NDUFAF6: variants seen among roughly 807,000 people sequenced by gnomAD.
NDUFAF6 encodes the protein NADH:ubiquinone oxidoreductase complex assembly factor 6.
Under a neutral mutation model 40.8 loss-of-function variants are expected in NDUFAF6, and 45 were observed. That is an observed-to-expected ratio of 1.10 (90% CI 0.87 to 1.42). The LOEUF (loss-of-function observed/expected upper bound fraction) is 1.42. Among genes scored for constraint, NDUFAF6 ranks in the 40% most tolerant of loss-of-function variants. NDUFAF6 has a pLI of 0.00. For synonymous variants in NDUFAF6, 185 were observed against 155.9 expected (o/e 1.19, Z -1.39); for missense variants, 435 against 418.5 (o/e 1.04, Z -0.34).
At chr8:94,922,479 ATTT>A (rs34170290) in intron 1 of NDUFAF6, among the ~76,000 whole-genome samples, 7 of 135,554 alleles carry the variant, frequency 5.2e-5, no homozygotes, top group Non-Finnish European at 4.8e-5. Flanking sequence ...AGAATCTGCA[ATTT>A]TTTTTTTTTT....
intron 1 of NDUFAF6, among the ~76,000 whole-genome samples, chr8:94,915,619 GT>G (rs745556858): frequency 5.3e-5 from 8 of 152,194 alleles, no homozygotes; most frequent in Admixed American, 1.3e-4. Context: ...TGGTAATTCT[GT>G]TTTTACTTCT....
intron 1 of NDUFAF6, among the ~76,000 whole-genome samples, chr8:94,932,273 C>A (rs1820485437): frequency 6.6e-6 from 1 of 152,186 alleles, no homozygotes; most frequent in African/African-American, 2.4e-5. Context: ...AAAAACAATA[C>A]TTATAAAGGC....
At chr8:95,109,905 A>G (rs1809949291) in intron 4 of NDUFAF6, among the ~76,000 whole-genome samples, 1 of 152,214 alleles carries the variant, frequency 6.6e-6, no homozygotes, top group Non-Finnish European at 1.5e-5. Context: ...ACTTACAAAA[A>G]AATTGTGAAG....
intron 2 of NDUFAF6, among the ~76,000 whole-genome samples, chr8:94,993,758 C>T (rs1304632794): frequency 6.6e-6 from 1 of 152,078 alleles, no homozygotes; most frequent in Non-Finnish European, 1.5e-5. Context: ...ATCCAGCCCA[C>T]AAAAATAATA....
Position 95,041,550 on chromosome 8 carries a change from T to C in NDUFAF6, c.421-20T>C, listed in dbSNP as rs761006829. ...ATTTCTAGTACTTTCTAAAAACTTA[T>C]AATGCTCTTTGTTTTTTAGGCTGTT... On this transcript the variant is annotated intron_variant, in intron 3 of 8. Coordinates refer to ENST00000396124, the MANE Select transcript of NDUFAF6 (RefSeq NM_152416.4). 16 of 1,480,128 alleles carry C rather than the reference T, an allele frequency of 1.1e-5. No individual in the cohort carries two copies. Among genetic ancestry groups the C allele is most frequent in the South Asian group, 3.5e-5 (3 of 86,308 alleles). The allele number at this position is 1,480,128 out of a possible 1,614,324, so 91.7% of individuals were successfully genotyped here. A position where few individuals can be genotyped will look rare whatever the true frequency, so the allele number is the denominator to read the frequency against.
upstream of NDUFAF6, among the ~76,000 whole-genome samples, chr8:94,956,359 A>C (rs192278737): frequency 6.6e-6 from 1 of 152,324 alleles, no homozygotes. Context: ...TGAAAGGGGC[A>C]AGCAAGCTCT....
chr8:94,928,476 A>C (rs953691327), intron 1 of NDUFAF6: 1 of 152,580 alleles, frequency 6.6e-6, no homozygotes, highest in Non-Finnish European at 1.5e-5. Context: ...CATGGAAACT[A>C]TCTTATCTCC....
At chr8:95,059,835 C>T (rs1011149400), downstream of NDUFAF6, among the ~76,000 whole-genome samples, 34 of 151,204 alleles carry the variant, frequency 2.2e-4, no homozygotes, top group Admixed American at 2.2e-3. Context: ...GGCAACAGAG[C>T]GAGATTCCAT....
chr8:94,953,608 T>C (rs1273630623), upstream of NDUFAF6, among the ~76,000 whole-genome samples: 1 of 152,252 alleles, frequency 6.6e-6, no homozygotes, highest in African/African-American at 2.4e-5. Context: ...CTGATACTTC[T>C]GGGCACTGCC....
chr8:94,916,872 TG>T (rs1819165841), intron 1 of NDUFAF6, among the ~76,000 whole-genome samples: 1 of 149,402 alleles, frequency 6.7e-6, no homozygotes, highest in Non-Finnish European at 1.5e-5. Context: ...CCCAGCACTT[TG>T]GGAGGCCTAG....
intron 2 of NDUFAF6, among the ~76,000 whole-genome samples, chr8:95,018,037 A>G (rs1013345567): frequency 8.5e-5 from 13 of 152,146 alleles, no homozygotes; most frequent in Non-Finnish European, 1.9e-4. Flanking sequence ...ATAATTTGAC[A>G]TGTTTGCTTC....
chr8:94,929,376 T>C (rs2131304230), intron 1 of NDUFAF6: 1 of 150,952 alleles, frequency 6.6e-6, no homozygotes, highest in East Asian at 1.9e-4. Context: ...AAATGAAAAG[T>C]CACTTGGACT....
chr8:95,115,375 A>T (rs1398082743), intron 4 of NDUFAF6, among the ~76,000 whole-genome samples: 2 of 152,212 alleles, frequency 1.3e-5, no homozygotes, highest in Non-Finnish European at 2.9e-5. Context: ...TCTGGAAGGC[A>T]TCCCTTGGCA....
downstream of NDUFAF6, among the ~76,000 whole-genome samples, chr8:95,061,292 T>G (rs1832566070): frequency 6.6e-6 from 1 of 152,206 alleles, no homozygotes; most frequent in Non-Finnish European, 1.5e-5. Flanking sequence ...TTTCAGCAAA[T>G]CCCTAGGTGC....
chr8:95,001,989 CT>C (rs1826756896), intron 2 of NDUFAF6, among the ~76,000 whole-genome samples: 1 of 152,194 alleles, frequency 6.6e-6, no homozygotes, highest in South Asian at 2.1e-4. Flanking sequence ...GGATTAGACA[CT>C]CAGAGGATCA....
At chr8:94,932,019 T>G in intron 1 of NDUFAF6, 1 of 1,553,520 alleles carries the variant, frequency 6.4e-7, no homozygotes, top group Non-Finnish European at 8.7e-7. Flanking sequence ...TTGGGTCCTT[T>G]GCCTCCCTAT....
At chr8:95,088,162 C>T (rs753578402) in intron 2 of NDUFAF6, among the ~76,000 whole-genome samples, 36 of 152,234 alleles carry the variant, frequency 2.4e-4, no homozygotes, top group Non-Finnish European at 2.5e-4. Context: ...CTGCAAACCT[C>T]ATGGCTATAA....
At chr8:95,048,344 G>T (rs1014902920) in intron 6 of NDUFAF6, 113 bp from the exon 7 acceptor site, 1 of 764,810 alleles carries the variant, frequency 1.3e-6, no homozygotes, top group Admixed American at 2.0e-5. Flanking sequence ...GTTCTGTCAC[G>T]TGTTCTCTTG....
At position 94,946,696 on chromosome 8, in the gene NDUFAF6, C is replaced by CAAAAAAAAAAAAAAAAAAAAAAAA. The variant is rs71273438; in HGVS notation, c.-799+1078_-799+1101dup. ...TGGTCAACAGAGTAAGACCCTGTCT[C>CAAAAAAAAAAAAAAAAAAAAAAAA]AAAAAAAAAAAAAAAAAAAAAAAAG... On this transcript the variant is annotated intron_variant, in intron 2 of 14. Coordinates refer to the NDUFAF6 transcript ENST00000396113. 2.0e-3 allele frequency among the ~76,000 whole-genome samples: 71 copies of CAAAAAAAAAAAAAAAAAAAAAAAA among 34,682 alleles called. 9 individuals carry two copies. Among genetic ancestry groups the CAAAAAAAAAAAAAAAAAAAAAAAA allele is most frequent in the East Asian group, 5.9e-3 (5 of 850 alleles). The allele number at this position is 34,682 out of a possible 152,430, so 22.8% of individuals were successfully genotyped here.
Sources: allele counts gnomAD v4.1 joint callset (sites outside exome capture counted in the v4.1 genomes callset), GRCh38; gene constraint gnomAD v4.1.1; transcripts MANE v1.5; gene names NCBI Gene and HGNC (gene_info 2026-07-23, HGNC 2026-07-21).